DNAH7: variants seen among roughly 807,000 people sequenced by gnomAD.
DNAH7 encodes axonemal beta dynein heavy chain 7.
In DNAH7, 397 loss-of-function variants were observed where a neutral mutation model predicts 444.6. The observed-to-expected ratio is 0.89, with a 90% CI of 0.82 to 0.97. The LOEUF (loss-of-function observed/expected upper bound fraction) is 0.97, where lower values mean the gene tolerates loss of function less well. Ranked by LOEUF, DNAH7 falls within the 50% of genes least tolerant of loss-of-function variation. DNAH7 has a pLI of 0.00. For synonymous variants in DNAH7, 1,636 were observed against 1,624.4 expected, an observed-to-expected ratio of 1.01 and a Z score of -0.17; for missense variants, 4,902 against 4,800.8, an observed-to-expected ratio of 1.02 and a Z score of -0.62.
At chr2:195,775,276 T>A (rs748674057) in intron 60 of DNAH7, among the ~76,000 whole-genome samples, 2 of 152,256 alleles carry the variant, frequency 1.3e-5, no homozygotes, top group Non-Finnish European at 2.9e-5. Flanking sequence ...GAGAGCTGCA[T>A]CTACAAATTC....
chr2:195,886,578 A>G (rs1328956452), intron 33 of DNAH7, among the ~76,000 whole-genome samples: 1 of 152,208 alleles, frequency 6.6e-6, no homozygotes, highest in Admixed American at 6.5e-5. Context: ...CACTAAAAAA[A>G]TTTCAGAGAC....
At chr2:196,066,422 AC>A (rs1212583392) in intron 1 of DNAH7, among the ~76,000 whole-genome samples, 1 of 152,182 alleles carries the variant, frequency 6.6e-6, no homozygotes, top group Non-Finnish European at 1.5e-5. Flanking sequence ...CATCATATAA[AC>A]ACAAATTACT....
intron 19 of DNAH7, among the ~76,000 whole-genome samples, chr2:195,937,067 A>G (rs1689105641): frequency 6.6e-6 from 1 of 152,142 alleles, no homozygotes; most frequent in Non-Finnish European, 1.5e-5. Flanking sequence ...GAGAGAGAGA[A>G]CACTGCCTGA....
chr2:195,788,224 C>G (rs1252216793), intron 57 of DNAH7, among the ~76,000 whole-genome samples: 1 of 152,186 alleles, frequency 6.6e-6, no homozygotes, highest in Non-Finnish European at 1.5e-5. Context: ...CAGCCTTGCC[C>G]TCACACACAC....
chr2:195,875,542 G>T, intron 38 of DNAH7, 133 bp downstream of exon 38: 2 of 833,400 alleles, frequency 2.4e-6, no homozygotes, highest in Non-Finnish European at 3.6e-6. Flanking sequence ...ACTCTGTTAG[G>T]TCACAATAGA....
intron 12 of DNAH7, among the ~76,000 whole-genome samples, chr2:195,993,310 G>T (rs954680691): frequency 6.6e-6 from 1 of 152,162 alleles, no homozygotes; most frequent in Non-Finnish European, 1.5e-5. Context: ...TTCTAATCAG[G>T]AGAGGTTCTG....
At chr2:195,917,619 C>G (rs1295642566) in intron 24 of DNAH7, among the ~76,000 whole-genome samples, 1 of 152,108 alleles carries the variant, frequency 6.6e-6, no homozygotes, top group African/African-American at 2.4e-5. Context: ...ATCTCTCCTT[C>G]TGGCTTATGC....
intron 15 of DNAH7, among the ~76,000 whole-genome samples, chr2:195,983,977 T>C (rs182396211): frequency 6.6e-6 from 1 of 152,360 alleles, no homozygotes; most frequent in African/African-American, 2.4e-5. Context: ...GCATTAATTG[T>C]TCCAATACTT....
intron 63 of DNAH7, among the ~76,000 whole-genome samples, chr2:195,752,430 A>T (rs753094699): frequency 2.0e-5 from 3 of 152,166 alleles, no homozygotes; most frequent in Admixed American, 6.5e-5. Flanking sequence ...TTCAGGAGAT[A>T]CCAAAGTGTA....
At chr2:195,793,441 G>A (rs1485689385) in intron 57 of DNAH7, among the ~76,000 whole-genome samples, 1 of 152,156 alleles carries the variant, frequency 6.6e-6, no homozygotes, top group Non-Finnish European at 1.5e-5. Flanking sequence ...GGGAGGGTTT[G>A]AGTTAAAATT....
At chr2:195,788,750 G>C (rs1275877730) in intron 57 of DNAH7, among the ~76,000 whole-genome samples, 1 of 152,080 alleles carries the variant, frequency 6.6e-6, no homozygotes, top group Non-Finnish European at 1.5e-5. Flanking sequence ...ATGAGGAAAA[G>C]CAAAAAAGAT....
At chr2:196,039,504 T>C (rs1376883689) in intron 5 of DNAH7, among the ~76,000 whole-genome samples, 15 of 151,958 alleles carry the variant, frequency 9.9e-5, no homozygotes, top group Admixed American at 9.8e-4. Flanking sequence ...TAGAACTAAA[T>C]AAGAGACCAA....
chr2:195,974,254 T>C (rs1692039079), intron 15 of DNAH7, among the ~76,000 whole-genome samples: 4 of 152,328 alleles, frequency 2.6e-5, no homozygotes, highest in East Asian at 1.9e-4. Context: ...ACCATGGTGG[T>C]TTCCACAAGT....
intron 56 of DNAH7, among the ~76,000 whole-genome samples, chr2:195,794,859 G>T (rs10204447): frequency 0.038 from 5,778 of 152,302 alleles, 149 homozygotes; most frequent in African/African-American, 0.068. Context: ...CACTGATGTT[G>T]CTGAAATATT....
chr2:195,905,352 A>G (rs545983788), intron 27 of DNAH7: 8 of 152,176 alleles, frequency 5.3e-5, no homozygotes, highest in Non-Finnish European at 1.0e-4. Context: ...ATAGAAGAGG[A>G]TTTACCATTT....
intron 10 of DNAH7, among the ~76,000 whole-genome samples, chr2:196,006,493 A>G (rs1385261776): frequency 4.6e-5 from 7 of 152,018 alleles, no homozygotes; most frequent in Admixed American, 2.6e-4. Flanking sequence ...ATAAAAAACC[A>G]TATCTGCTCT....
intron 16 of DNAH7, 34 bp downstream of exon 16, chr2:195,972,208 C>A: frequency 6.4e-7 from 1 of 1,555,858 alleles, no homozygotes; most frequent in South Asian, 1.2e-5. Flanking sequence ...AAAACATTTC[C>A]AGAAAATGAA....
chr2:195,901,302 A>T (rs954467152), intron 27 of DNAH7: 1 of 152,120 alleles, frequency 6.6e-6, no homozygotes, highest in Non-Finnish European at 1.5e-5. Flanking sequence ...ATACTTCAAT[A>T]AAAAAATCAT....
rs777138068 is a variant in DNAH7 at position 195,891,702 on chromosome 2, A to T, written c.4999T>A (p.Ser1667Thr). The T allele has an allele frequency of 6.2e-7, 1 of 1,605,152 alleles. No homozygotes were observed. Among genetic ancestry groups the T allele is most frequent in the South Asian group, 1.1e-5 (1 of 88,354 alleles). Residue 1667 changes from serine (S) to threonine (T), a missense_variant, in exon 31 of 65, where the codon TCT (serine) becomes ACT (threonine). By Grantham distance (58) the Ser-to-Thr change is moderately conservative (BLOSUM62 1). Coordinates refer to ENST00000312428, the MANE Select transcript of DNAH7 (RefSeq NM_018897.3). Reference protein sequence around the residue: ...GQFDSVSHEWSDGVLAVSFRA... With the variant: ...GQFDSVSHEWTDGVLAVSFRA... ...AAACTGACAGCAAGGACCCCATCAG[A>T]CCATTCATGGGACACTGAATCAAAC...
Sources: allele counts gnomAD v4.1 joint callset (sites outside exome capture counted in the v4.1 genomes callset), GRCh38; gene constraint gnomAD v4.1.1; transcripts MANE v1.5; gene names NCBI Gene and HGNC (gene_info 2026-07-23, HGNC 2026-07-21).